MAF: variants seen among roughly 807,000 people sequenced by gnomAD.
MAF encodes the protein transcription factor Maf.
Under a neutral mutation model 22.0 loss-of-function variants are expected in MAF, and 10 were observed. That is an observed-to-expected ratio of 0.45 (90% CI 0.28 to 0.77). The LOEUF is 0.77. Ranked by LOEUF, MAF falls within the 30% of genes least tolerant of loss-of-function variation. The pLI is 0.12. For missense variants in MAF, 544 were observed against 548.4 expected, an observed-to-expected ratio of 0.99 and a Z score of 0.08; for synonymous variants, 337 against 255.8, an observed-to-expected ratio of 1.32 and a Z score of -3.03.
At chr16:79,430,653 C>T in the MAF span, among the ~76,000 whole-genome samples, 1 of 152,170 alleles carries the variant, frequency 6.6e-6, no homozygotes, top group Non-Finnish European at 1.5e-5. Flanking sequence ...GGAGAGGAAG[C>T]CTGGCAGGGG....
chr16:79,460,726 T>G, the MAF span, among the ~76,000 whole-genome samples: 1 of 152,202 alleles, frequency 6.6e-6, no homozygotes, highest in Non-Finnish European at 1.5e-5. Context: ...TTCTAAGACC[T>G]TGATATGTTT....
the MAF span, among the ~76,000 whole-genome samples, chr16:79,284,494 C>T: frequency 3.7e-4 from 57 of 152,250 alleles, 2 homozygotes; most frequent in East Asian, 8.7e-3. Flanking sequence ...TCATTGCAGA[C>T]GCCTAACATA....
At chr16:79,527,753 A>G in the MAF span, among the ~76,000 whole-genome samples, 1 of 152,216 alleles carries the variant, frequency 6.6e-6, no homozygotes, top group African/African-American at 2.4e-5. Context: ...GAATATTGTC[A>G]GGAAATCTGG....
the MAF span, among the ~76,000 whole-genome samples, chr16:79,335,384 G>T: frequency 1.3e-5 from 2 of 152,082 alleles, no homozygotes; most frequent in African/African-American, 2.4e-5. Flanking sequence ...TGTTAAACTG[G>T]CTTCTTCGAA....
At chr16:79,214,776 G>A in the MAF span, among the ~76,000 whole-genome samples, 1 of 131,366 alleles carries the variant, frequency 7.6e-6, no homozygotes, top group Admixed American at 8.5e-5. Context: ...GCAGTGGCGT[G>A]ATTTTGGCTC....
the MAF span, among the ~76,000 whole-genome samples, chr16:79,443,664 C>T: frequency 7.7e-4 from 118 of 152,344 alleles, no homozygotes; most frequent in African/African-American, 2.7e-3. Context: ...GTGTGGGCCC[C>T]GTGGAGGGGG....
the MAF span, among the ~76,000 whole-genome samples, chr16:79,207,092 G>A: frequency 6.6e-6 from 1 of 152,130 alleles, no homozygotes; most frequent in Non-Finnish European, 1.5e-5. Flanking sequence ...TGGGAGACAG[G>A]GAAAGACAGG....
chr16:79,222,552 T>A, the MAF span, among the ~76,000 whole-genome samples: 1 of 152,000 alleles, frequency 6.6e-6, no homozygotes, highest in African/African-American at 2.4e-5. Flanking sequence ...ACAAATGGAC[T>A]AAATGCTCCA....
the MAF span, among the ~76,000 whole-genome samples, chr16:79,392,341 G>C: frequency 6.7e-6 from 1 of 149,108 alleles, no homozygotes; most frequent in Non-Finnish European, 1.5e-5. Context: ...AGAGGAGAGA[G>C]AAGGAAGGAG....
chr16:79,598,318 C>CA, intron 1 of MAF: 1 of 1,099,454 alleles, frequency 9.1e-7, no homozygotes, highest in Non-Finnish European at 1.1e-6. Context: ...AAATGAACAC[C>CA]AGTTCATGAA....
the MAF span, among the ~76,000 whole-genome samples, chr16:79,354,649 G>A: frequency 8.5e-5 from 13 of 152,194 alleles, no homozygotes; most frequent in South Asian, 2.1e-4. Flanking sequence ...GGTACTGGGT[G>A]ATAGCAATGT....
chr16:79,413,362 C>T, the MAF span, among the ~76,000 whole-genome samples: 2 of 147,708 alleles, frequency 1.4e-5, no homozygotes, highest in African/African-American at 2.5e-5. Context: ...CCTGCCTCAG[C>T]CTCTCCGAGT....
downstream of MAF, among the ~76,000 whole-genome samples, chr16:79,585,304 TG>T (rs1597831862): frequency 6.6e-6 from 1 of 152,162 alleles, no homozygotes; most frequent in East Asian, 1.9e-4. Context: ...CCTTCTTCCT[TG>T]TATTGAAGTG....
chr16:79,486,591 G>C, the MAF span, among the ~76,000 whole-genome samples: 2 of 152,170 alleles, frequency 1.3e-5, no homozygotes, highest in Non-Finnish European at 2.9e-5. Context: ...ATGCTGTTTG[G>C]TTATTGCTCA....
the MAF span, among the ~76,000 whole-genome samples, chr16:79,415,315 G>A: frequency 6.6e-6 from 1 of 151,072 alleles, no homozygotes; most frequent in Non-Finnish European, 1.5e-5. Flanking sequence ...AGGAAGGACG[G>A]AAGGAGAGAA....
chr16:79,231,711 G>T, the MAF span, among the ~76,000 whole-genome samples: 2 of 152,100 alleles, frequency 1.3e-5, no homozygotes, highest in Non-Finnish European at 2.9e-5. Flanking sequence ...CCAGGGACTG[G>T]TTTCACGGAA....
At chr16:79,246,141 G>T in the MAF span, among the ~76,000 whole-genome samples, 1 of 152,030 alleles carries the variant, frequency 6.6e-6, no homozygotes, top group African/African-American at 2.4e-5. Context: ...AACCACCATG[G>T]CACGTGTATA....
rs1442503378 is a variant in MAF at position 79,594,527 on chromosome 16, G to A, written c.1145C>T (p.Pro382Leu). Residue 382 changes from proline to leucine, a missense_variant, in exon 2 of 2, where the codon CCA becomes CTA. Physicochemically the swap from Pro to Leu is moderately conservative, Grantham distance 98 (BLOSUM62 -3). This residue lies in a region of MAF where 129 missense variants were observed against 113.6 expected (regional missense o/e 1.14). Coordinates refer to ENST00000326043, the MANE Select transcript of MAF (RefSeq NM_005360.5). ...FITEPTRKLE[P>L]SVGYATFWKP... is the part of the protein sequence containing the mutation. ...CCAAAATGTGGCGTATCCCACTGAT[G>A]GCTCCAACTTGCGAGTGGGCTCAGT... 1 of 1,565,164 alleles carries A rather than the reference G, an allele frequency of 6.4e-7. No homozygotes were observed. The highest frequency in any genetic ancestry group is 1.2e-5 in the South Asian group (1 of 85,158).
chr16:79,261,845 G>A, the MAF span, among the ~76,000 whole-genome samples: 1 of 152,208 alleles, frequency 6.6e-6, no homozygotes, highest in Non-Finnish European at 1.5e-5. Flanking sequence ...TGGGGGCGTT[G>A]GGGGTGGAGG....
Sources: gnomAD v4.1 joint callset for allele counts (sites outside exome capture counted in the v4.1 genomes callset) on GRCh38, gnomAD v4.1.1 for gene constraint, gnomAD v4.1.1 regional missense constraint, MANE v1.5 for transcripts, NCBI Gene and HGNC (gene_info 2026-07-23, HGNC 2026-07-21) for gene names.